Variants in PLEKHM3 observed in about 807,000 individuals in gnomAD.
PLEKHM3 encodes pleckstrin homology domain containing M3, also known as pleckstrin homology domain-containing family M member 3.
In PLEKHM3, 45 loss-of-function variants were observed where a neutral mutation model predicts 81.8. The ratio of observed to expected loss-of-function variants is 0.55; its 90% CI spans 0.43 to 0.71. The LOEUF is 0.71. Ranked by LOEUF, PLEKHM3 falls within the 30% of genes least tolerant of loss-of-function variation. The pLI is 0.00. For missense variants in PLEKHM3, 788 were observed against 924.3 expected, an observed-to-expected ratio of 0.85 and a Z score of 1.91; for synonymous variants, 352 against 356.4, an observed-to-expected ratio of 0.99 and a Z score of 0.14.
chr2:207,975,716 C>A (rs1324571931), intron 3 of PLEKHM3, among the ~76,000 whole-genome samples: 1 of 150,586 alleles, frequency 6.6e-6, no homozygotes, highest in Non-Finnish European at 1.5e-5. Flanking sequence ...CCTGCCTCAG[C>A]CTCCTGAGTA....
At position 207,827,743 on chromosome 2, in the gene PLEKHM3, G is replaced by A. The variant is rs112284760; in HGVS notation, c.*576C>T. The A allele has an allele frequency of 6.6e-6, 1 of 152,154 alleles. No individual in the cohort carries two copies. Among genetic ancestry groups the A allele is most frequent in the South Asian group, 2.1e-4 (1 of 4,830 alleles). 9.4% of individuals were successfully genotyped at this position (152,154 alleles called of 1,614,324 possible). ...GTTTCCAGCCATCGGCTCTGCTTAC[G>A]TGATTCCCCGCCTCCACAGGAGGAA... On this transcript the variant is annotated 3_prime_UTR_variant, in exon 8 of 8. Transcript: ENST00000427836.
chr2:207,822,309 T>C lies in PLEKHM3; in HGVS notation c.*6010A>G, dbSNP rs984458458. ...GGTGGCAAAATAAAAAGAAAACCTTTGAAAGGTGAAAGATAAGAAAATCCT... is the reference window on the plus strand; with the variant it reads ...GGTGGCAAAATAAAAAGAAAACCTTCGAAAGGTGAAAGATAAGAAAATCCT... On this transcript the variant is annotated 3_prime_UTR_variant, in exon 8 of 8. Coordinates refer to ENST00000427836, the MANE Select transcript of PLEKHM3 (RefSeq NM_001080475.3). The C allele has an allele frequency of 1.3e-5, 2 of 152,660 alleles. No individual in the cohort carries two copies. Among genetic ancestry groups the C allele is most frequent in the African/African-American group, 4.8e-5 (2 of 41,456 alleles). The allele number at this position is 152,660 out of a possible 1,614,324, so 9.5% of individuals were successfully genotyped here. A position where few individuals can be genotyped will look rare whatever the true frequency, so the allele number is the denominator to read the frequency against.
intron 1 of PLEKHM3, among the ~76,000 whole-genome samples, chr2:208,008,810 G>A (rs1397125119): frequency 6.6e-6 from 1 of 152,180 alleles, no homozygotes; most frequent in Non-Finnish European, 1.5e-5. Flanking sequence ...AAATAGGGGT[G>A]TTGTCTGAGC....
chr2:207,943,867 CAAAAAAAAAAAA>C (rs66843432), intron 4 of PLEKHM3, among the ~76,000 whole-genome samples: 3 of 75,766 alleles, frequency 4.0e-5, no homozygotes, highest in Admixed American at 1.7e-4. Flanking sequence ...GACTCCGTCT[CAAAAAAAAAAAA>C]AAAAAAAAAA....
intron 6 of PLEKHM3, among the ~76,000 whole-genome samples, chr2:207,880,503 C>T (rs1231848330): frequency 6.6e-6 from 1 of 151,112 alleles, no homozygotes; most frequent in African/African-American, 2.4e-5. Flanking sequence ...GTGGCTCACG[C>T]CTGTAATCCT....
At chr2:207,974,577 G>A (rs1007147139) in intron 3 of PLEKHM3, among the ~76,000 whole-genome samples, 3 of 152,152 alleles carry the variant, frequency 2.0e-5, no homozygotes, top group East Asian at 1.9e-4. Context: ...TGCTGACCAC[G>A]TCTGTAATCT....
intron 2 of PLEKHM3, among the ~76,000 whole-genome samples, chr2:207,979,389 C>G (rs1180363783): frequency 1.3e-5 from 2 of 152,102 alleles, no homozygotes; most frequent in Admixed American, 1.3e-4. Context: ...CAAAAATTAG[C>G]TGGGTGTGGT....
chr2:207,923,899 ATATATAT>A (rs1365904649), intron 5 of PLEKHM3, among the ~76,000 whole-genome samples: 11 of 82,584 alleles, frequency 1.3e-4, no homozygotes, highest in African/African-American at 4.8e-4. Context: ...ATATATATAT[ATATATAT>A]TTTTTTTTTT....
intron 2 of PLEKHM3, among the ~76,000 whole-genome samples, chr2:207,989,448 TG>T (rs1691827587): frequency 6.6e-6 from 1 of 152,212 alleles, no homozygotes; most frequent in Non-Finnish European, 1.5e-5. Context: ...GCATTCCAGA[TG>T]GTGGGCCTTC....
chr2:207,961,560 T>A (rs1690734486), intron 3 of PLEKHM3, among the ~76,000 whole-genome samples: 1 of 152,166 alleles, frequency 6.6e-6, no homozygotes, highest in African/African-American at 2.4e-5. Context: ...ATAAAATCAA[T>A]TCTGTGGTTG....
rs1308643694 is a variant in PLEKHM3 at position 207,828,589 on chromosome 2, A to C, written c.2109-93T>G. The C allele has an allele frequency of 3.2e-6, 4 of 1,235,684 alleles. No individual in the cohort carries two copies. The Admixed American group carries it at 8.7e-5, about 27-fold the overall frequency. 76.5% of individuals were successfully genotyped at this position (1,235,684 alleles called of 1,614,324 possible). Reference sequence around the variant, plus strand: ...TGGCCTCAGGTGCAGCTGGTGGCACAATCTACTGTTCTGGACAACCCTGCC... The same window carrying C: ...TGGCCTCAGGTGCAGCTGGTGGCACCATCTACTGTTCTGGACAACCCTGCC... On this transcript the variant is annotated intron_variant, in intron 7 of 7. Coordinates refer to ENST00000427836, the MANE Select transcript of PLEKHM3 (RefSeq NM_001080475.3).
intron 6 of PLEKHM3, among the ~76,000 whole-genome samples, chr2:207,870,659 T>G (rs1241255656): frequency 1.3e-5 from 2 of 152,194 alleles, no homozygotes; most frequent in Non-Finnish European, 2.9e-5. Flanking sequence ...TAGAGTGAAG[T>G]CTAGTGGCCT....
At chr2:207,857,397 A>C (rs1250211117) in intron 7 of PLEKHM3, among the ~76,000 whole-genome samples, 1 of 152,162 alleles carries the variant, frequency 6.6e-6, no homozygotes, top group Admixed American at 6.5e-5. Flanking sequence ...CATTATGAAT[A>C]TCTCACTCTG....
rs1349084476 is a variant in PLEKHM3, at chr2:208,000,634, C to A, written c.610+396G>T. ...TCACACATCTTTAAATCCTTCCTAG[C>A]ATAGGCTCAGCCCAACGTACGATCT... On this transcript the variant is annotated intron_variant, in intron 2 of 7. Transcript: ENST00000427836. Among the ~76,000 whole-genome samples, 4 of 152,170 alleles carry A rather than the reference C, an allele frequency of 2.6e-5. No individual in the cohort carries two copies. In the East Asian group the frequency reaches 7.7e-4, roughly 29 times the overall value.
intron 7 of PLEKHM3, among the ~76,000 whole-genome samples, chr2:207,837,632 C>CCTTTT: frequency 9.4e-6 from 1 of 105,958 alleles, no homozygotes; most frequent in African/African-American, 3.7e-5. Flanking sequence ...ATAGTTCTCC[C>CCTTTT]TTTTTTTTTT....
chr2:207,966,088 A>G (rs181333842), intron 3 of PLEKHM3, among the ~76,000 whole-genome samples: 1 of 152,276 alleles, frequency 6.6e-6, no homozygotes, highest in Admixed American at 6.5e-5. Context: ...ATAATTACTT[A>G]TTTATTTGTC....
rs1386567547 is a variant in PLEKHM3, at chr2:207,861,225, ACCTTGC to A, written c.1982_1987del (p.Gly661_Lys662del). On this transcript the variant is annotated inframe_deletion, in exon 7 of 8. Coordinates refer to ENST00000427836, the MANE Select transcript of PLEKHM3 (RefSeq NM_001080475.3). ...CACGTGTGAGGTGGCAAATTTAATG[ACCTTGC>A]CCAAGAATGGAGCCAGCTTTCCCTC... 1.2e-6 allele frequency: 2 copies of A among 1,614,102 alleles called. No homozygotes were observed.
At chr2:207,975,060 C>T (rs1691259791) in intron 3 of PLEKHM3, among the ~76,000 whole-genome samples, 2 of 152,106 alleles carry the variant, frequency 1.3e-5, no homozygotes, top group Non-Finnish European at 2.9e-5. Context: ...GAACTCCTGA[C>T]CTTGTGATCC....
chr2:207,919,498 T>C (rs1210313113), intron 5 of PLEKHM3, among the ~76,000 whole-genome samples: 1 of 151,936 alleles, frequency 6.6e-6, no homozygotes, highest in African/African-American at 2.4e-5. Context: ...AGGCGAAAGG[T>C]GATGGTGGAC....
Sources: gnomAD v4.1 joint callset for allele counts (sites outside exome capture counted in the v4.1 genomes callset) on GRCh38, gnomAD v4.1.1 for gene constraint, MANE v1.5 for transcripts, NCBI Gene and HGNC (gene_info 2026-07-23, HGNC 2026-07-21) for gene names.